ITSN1: variants seen among roughly 807,000 people sequenced by gnomAD.
ITSN1 encodes the protein intersectin 1.
ITSN1 carries 58 observed loss-of-function variants against 239.8 expected under a neutral mutation model. That is an observed-to-expected ratio of 0.24 (90% CI 0.20 to 0.30). The LOEUF (loss-of-function observed/expected upper bound fraction) is 0.30, where lower values mean the gene tolerates loss of function less well. Ranked by LOEUF, ITSN1 falls within the 10% of genes least tolerant of loss-of-function variation. The pLI is 1.00. For synonymous variants in ITSN1, 780 were observed against 770.8 expected, an observed-to-expected ratio of 1.01 and a Z score of -0.20; for missense variants, 1,558 against 2,103.3, an observed-to-expected ratio of 0.74 and a Z score of 5.07.
chr21:33,830,722 C>T (rs981134764), intron 27 of ITSN1, among the ~76,000 whole-genome samples: 3 of 152,160 alleles, frequency 2.0e-5, no homozygotes, highest in African/African-American at 7.2e-5. Flanking sequence ...ATGGACACTA[C>T]ATTAGACAAA....
At chr21:33,871,514 C>A (rs1321042801) in intron 33 of ITSN1, among the ~76,000 whole-genome samples, 1 of 151,910 alleles carries the variant, frequency 6.6e-6, no homozygotes, top group Non-Finnish European at 1.5e-5. Context: ...GAGGCCGAGG[C>A]AGGCAGATCC....
rs532974481 is a variant in ITSN1 at position 33,867,543 on chromosome 21, G to A, written c.4173+212G>A. On this transcript the variant is annotated intron_variant, in intron 33 of 39. Coordinates refer to ENST00000381318, the MANE Select transcript of ITSN1 (RefSeq NM_003024.3). ...TGGCTGGGCACGGTGGCCCGCGCCT[G>A]TAATCCCAGCACTTTGGGAGGCCGA... Among the ~76,000 whole-genome samples the A allele has an allele frequency of 4.0e-5, 6 of 151,752 alleles. 1 individual carries two copies. The highest frequency in any genetic ancestry group is 4.2e-4 in the South Asian group (2 of 4,814).
chr21:33,713,113 A>G lies in ITSN1; in HGVS notation c.-32-5684A>G, dbSNP rs953582415. Among the ~76,000 whole-genome samples the G allele has an allele frequency of 3.9e-5, 6 of 152,020 alleles. No individual in the cohort carries two copies. The East Asian group carries it at 7.7e-4, about 20-fold the overall frequency. On this transcript the variant is annotated intron_variant, in intron 1 of 39. Coordinates refer to ENST00000381318, the MANE Select transcript of ITSN1 (RefSeq NM_003024.3). The stretch of plus-strand genomic sequence containing the variant: ...GGCTGGTCACGAACTCCTGACCTCA[A>G]GTGATCCGCCTGCCTTGGCCTCGCA...
intron 1 of ITSN1, among the ~76,000 whole-genome samples, chr21:33,680,060 G>A (rs2090851237): frequency 6.6e-6 from 1 of 152,060 alleles, no homozygotes; most frequent in Admixed American, 6.5e-5. Context: ...TTGGCCTGCT[G>A]TCTTTTTCAT....
chr21:33,751,187 G>A (rs1243520972), intron 6 of ITSN1, among the ~76,000 whole-genome samples: 1 of 152,172 alleles, frequency 6.6e-6, no homozygotes, highest in Non-Finnish European at 1.5e-5. Context: ...AGCCCAGAAA[G>A]TGTGTGCAGT....
chr21:33,836,637 G>A lies in ITSN1; in HGVS notation c.3661+5G>A. On this transcript the variant is annotated splice_donor_5th_base_variant and intron_variant, in intron 29 of 39. Coordinates refer to ENST00000381318, the MANE Select transcript of ITSN1 (RefSeq NM_003024.3). ...ACATGGACCCAAGCCAGCAATGTAAGTGCCCTGGTGGCTCTGTCGCCTCGC... is the reference window on the plus strand; with the variant it reads ...ACATGGACCCAAGCCAGCAATGTAAATGCCCTGGTGGCTCTGTCGCCTCGC... 6.2e-7 allele frequency: 1 copy of A among 1,610,870 alleles called. No individual in the cohort carries two copies. Among genetic ancestry groups the A allele is most frequent in the Non-Finnish European group, 8.5e-7 (1 of 1,177,536 alleles).
Position 33,722,613 on chromosome 21 carries a change from T to C in ITSN1, c.147T>C (p.Phe49=). The part of the protein sequence containing the change: ...ITGDQARNFF[F]QSGLPQPVLA... ...GTGATCAAGCTAGAAACTTTTTTTT[T>C]CAATCTGGGTTACCTCAACCTGTTT... The change falls in exon 4 of 40, where the codon TTT becomes TTC. Residue 49 remains phenylalanine, a synonymous_variant. Transcript: ENST00000381318. 6.3e-7 allele frequency: 1 copy of C among 1,582,662 alleles called. No individual in the cohort carries two copies. The highest frequency in any genetic ancestry group is 8.5e-7 in the Non-Finnish European group (1 of 1,170,694).
intron 30 of ITSN1, among the ~76,000 whole-genome samples, chr21:33,858,191 C>G (rs757734078): frequency 2.6e-5 from 4 of 152,196 alleles, no homozygotes; most frequent in Non-Finnish European, 5.9e-5. Context: ...GCTGAGGACA[C>G]AGCGATGGAG....
chr21:33,756,454 G>T (rs936802444), intron 8 of ITSN1, among the ~76,000 whole-genome samples: 9 of 152,078 alleles, frequency 5.9e-5, no homozygotes, highest in Non-Finnish European at 1.2e-4. Context: ...GTGGAGTGGG[G>T]TAAGGGGAGG....
At chr21:33,787,649 G>T (rs1287035313) in intron 16 of ITSN1, among the ~76,000 whole-genome samples, 2 of 151,998 alleles carry the variant, frequency 1.3e-5, no homozygotes, top group Admixed American at 6.6e-5. Flanking sequence ...GAGGAAAAAA[G>T]AAAAGAGCTG....
intron 29 of ITSN1, among the ~76,000 whole-genome samples, chr21:33,852,185 G>A (rs114589790): frequency 9.6e-4 from 146 of 152,286 alleles, no homozygotes; most frequent in African/African-American, 3.1e-3. Flanking sequence ...TTATTTCTGC[G>A]TCTCTTGGAC....
At position 33,891,267 on chromosome 21, in the gene ITSN1, C is replaced by T. The variant is rs1986345463; in HGVS notation, c.*2967C>T. ...GGATGCTTGAGAAACTAGAGCCAGA[C>T]TTCCTTGTTTGTTTGGATAATATGT... is the stretch of plus-strand genomic sequence containing the variant. On this transcript the variant is annotated 3_prime_UTR_variant, in exon 40 of 40. Transcript: ENST00000381318. The T allele has an allele frequency of 6.6e-6, 1 of 152,228 alleles. No homozygotes were observed. Among genetic ancestry groups the T allele is most frequent in the Non-Finnish European group, 1.5e-5 (1 of 68,042 alleles). 9.4% of individuals were successfully genotyped at this position (152,228 alleles called of 1,614,324 possible). A position where few individuals can be genotyped will look rare whatever the true frequency, so the allele number is the denominator to read the frequency against.
chr21:33,762,322 A>G (rs2068400496), intron 9 of ITSN1, among the ~76,000 whole-genome samples: 1 of 150,170 alleles, frequency 6.7e-6, no homozygotes, highest in African/African-American at 2.5e-5. Flanking sequence ...GCTGGAGTGC[A>G]GTGGTACGAT....
chr21:33,791,236 T>G (rs1338523052), intron 16 of ITSN1, among the ~76,000 whole-genome samples: 1 of 152,230 alleles, frequency 6.6e-6, no homozygotes, highest in Non-Finnish European at 1.5e-5. Flanking sequence ...TCCTTACAAC[T>G]GTGTATCTCA....
chr21:33,790,428 G>C (rs1252140095), intron 16 of ITSN1, among the ~76,000 whole-genome samples: 1 of 151,574 alleles, frequency 6.6e-6, no homozygotes, highest in Admixed American at 6.6e-5. Context: ...TGTTTTATTG[G>C]AAGATAATAT....
chr21:33,643,808 A>G (rs1380315852), intron 1 of ITSN1: 2 of 152,246 alleles, frequency 1.3e-5, no homozygotes, highest in African/African-American at 4.8e-5. Flanking sequence ...ACGTACAGAT[A>G]ATAAAGGCAA....
At chr21:33,783,810 G>A (rs535597091) in intron 16 of ITSN1, among the ~76,000 whole-genome samples, 2 of 152,086 alleles carry the variant, frequency 1.3e-5, no homozygotes, top group Admixed American at 1.3e-4. Flanking sequence ...CCAGATTTGT[G>A]CCTTCACATT....
intron 1 of ITSN1, among the ~76,000 whole-genome samples, chr21:33,688,677 A>G (rs947837772): frequency 6.6e-6 from 1 of 152,200 alleles, no homozygotes; most frequent in East Asian, 1.9e-4. Flanking sequence ...CACTGAGACC[A>G]TTCTGGGGTC....
intron 7 of ITSN1, among the ~76,000 whole-genome samples, chr21:33,754,835 G>A (rs2147534526): frequency 6.6e-6 from 1 of 152,192 alleles, no homozygotes; most frequent in South Asian, 2.1e-4. Context: ...TTAAGAAATG[G>A]GTCCTGTATA....
Sources: gnomAD v4.1 joint callset for allele counts (sites outside exome capture counted in the v4.1 genomes callset) on GRCh38, gnomAD v4.1.1 for gene constraint, MANE v1.5 for transcripts, NCBI Gene and HGNC (gene_info 2026-07-23, HGNC 2026-07-21) for gene names.